The following POLR2B variants were observed in gnomAD, a reference collection of about 807,000 sequenced individuals.
The protein encoded by POLR2B is RNA polymerase II subunit B, also known as DNA-directed RNA polymerase II subunit RPB2.
POLR2B carries 57 observed loss-of-function variants against 144.6 expected under a neutral mutation model. The ratio of observed to expected loss-of-function variants is 0.39; its 90% CI spans 0.32 to 0.49. POLR2B has a LOEUF of 0.49. POLR2B is among the 20% of genes least tolerant of loss of function. The pLI, the probability that POLR2B is intolerant of heterozygous loss-of-function variation, is 0.83. For synonymous variants in POLR2B, 442 were observed against 469.8 expected (o/e 0.94, Z 0.77); for missense variants, 595 against 1,467.4 (o/e 0.41, Z 9.71).
chr4:57,030,659 G>T, intron 24 of POLR2B: 1 of 545,878 alleles, frequency 1.8e-6, no homozygotes, highest in Non-Finnish European at 3.2e-6. Context: ...TTTAAACAAT[G>T]AGTTTTTGAA....
intron 7 of POLR2B, among the ~76,000 whole-genome samples, chr4:57,003,768 A>G (rs1371886454): frequency 6.6e-6 from 1 of 151,850 alleles, no homozygotes; most frequent in Non-Finnish European, 1.5e-5. Flanking sequence ...ACTGGAACCC[A>G]GGAGGCAGAT....
At chr4:56,992,664 A>G (rs2109658243) in intron 3 of POLR2B, among the ~76,000 whole-genome samples, 1 of 145,218 alleles carries the variant, frequency 6.9e-6, no homozygotes, top group South Asian at 2.2e-4. Flanking sequence ...GGTTCACGCC[A>G]TTCTCCTGCC....
chr4:57,008,260 A>C (rs1383566333), intron 10 of POLR2B, among the ~76,000 whole-genome samples: 1 of 148,574 alleles, frequency 6.7e-6, no homozygotes, highest in Non-Finnish European at 1.5e-5. Flanking sequence ...GCTGGAGTAC[A>C]GTGGCAATCT....
intron 5 of POLR2B, 112 bp downstream of exon 5, chr4:56,994,978 C>A: frequency 5.5e-6 from 4 of 731,832 alleles, no homozygotes; most frequent in Non-Finnish European, 2.2e-6. Flanking sequence ...GATAACCTGG[C>A]ACTGACAGTT....
At chr4:57,024,603 C>T (rs1291495475) in intron 21 of POLR2B, among the ~76,000 whole-genome samples, 2 of 152,084 alleles carry the variant, frequency 1.3e-5, no homozygotes, top group Non-Finnish European at 2.9e-5. Context: ...TACCTGATCC[C>T]ATGGATCGAC....
chr4:57,018,401 A>G (rs1489627358), intron 16 of POLR2B, among the ~76,000 whole-genome samples: 1 of 152,186 alleles, frequency 6.6e-6, no homozygotes. Flanking sequence ...TACCTTTTGA[A>G]ATACACTTGA....
intron 10 of POLR2B, 40 bp from the exon 11 acceptor site, chr4:57,010,321 A>G (rs1723149793): frequency 2.5e-6 from 4 of 1,595,916 alleles, no homozygotes; most frequent in African/African-American, 2.7e-5. Context: ...TATGAATCAC[A>G]GAAATGTCCA....
chr4:56,989,702 C>T (rs556602059), intron 2 of POLR2B, among the ~76,000 whole-genome samples: 9 of 152,264 alleles, frequency 5.9e-5, no homozygotes, highest in East Asian at 1.9e-4. Flanking sequence ...GGAGTGGAGA[C>T]GTGGAGGTGT....
intron 1 of POLR2B, among the ~76,000 whole-genome samples, chr4:56,980,642 C>G (rs1389925262): frequency 6.6e-6 from 1 of 152,078 alleles, no homozygotes; most frequent in Non-Finnish European, 1.5e-5. Context: ...ATCGCTTGAG[C>G]CTGGGAAGTT....
intron 14 of POLR2B, among the ~76,000 whole-genome samples, chr4:57,016,376 C>G (rs1723365227): frequency 6.6e-6 from 1 of 151,770 alleles, no homozygotes; most frequent in South Asian, 2.1e-4. Context: ...TTGAGACTCC[C>G]ATCTCTCCAA....
At chr4:57,003,756 T>A (rs1722924146) in intron 7 of POLR2B, among the ~76,000 whole-genome samples, 1 of 151,738 alleles carries the variant, frequency 6.6e-6, no homozygotes, top group Non-Finnish European at 1.5e-5. Context: ...GGCACGAGAA[T>A]CACTGGAACC....
At chr4:57,029,065 C>CTGTTTTTTGTTTGTTGGTTTGTTTTT (rs1723822615) in intron 23 of POLR2B, among the ~76,000 whole-genome samples, 1 of 152,034 alleles carries the variant, frequency 6.6e-6, no homozygotes, top group African/African-American at 2.4e-5. Flanking sequence ...CTGTGCATTG[C>CTGTTTTTTGTTTGTTGGTTTGTTTTT]TGTTTTTTGT....
chr4:57,010,001 A>G (rs1723140082), intron 10 of POLR2B: 1 of 167,880 alleles, frequency 6.0e-6, no homozygotes, highest in Admixed American at 6.1e-5. Flanking sequence ...GTGAGTTGGT[A>G]GAATTTAACT....
chr4:56,982,842 A>G (rs1722197752), intron 1 of POLR2B, among the ~76,000 whole-genome samples: 1 of 152,126 alleles, frequency 6.6e-6, no homozygotes, highest in African/African-American at 2.4e-5. Flanking sequence ...TCCAATGGAC[A>G]CTGAGGTACA....
In POLR2B at chr4:56,998,839, C is replaced by G. The variant is rs147485207; in HGVS notation, c.736-778C>G. On this transcript the variant is annotated intron_variant, in intron 6 of 24. Transcript: ENST00000314595. ...GGGTGTCATATATGAAAAGTTGTTA[C>G]TGAACAAGTCCATGAGAGGAGTTCT... is the stretch of plus-strand genomic sequence containing the variant. Among the ~76,000 whole-genome samples, 76 of 152,238 alleles carry G rather than the reference C, an allele frequency of 5.0e-4. 1 individual carries two copies. The South Asian group carries it at 0.014, about 28-fold the overall frequency.
At position 57,023,760 on chromosome 4, in the gene POLR2B, C is replaced by G. The variant is rs1723624862; in HGVS notation, c.2856+9C>G. On this transcript the variant is annotated intron_variant, in intron 20 of 24. Coordinates refer to ENST00000314595, the MANE Select transcript of POLR2B (RefSeq NM_000938.3). The surrounding 1 kb of genome is among the most constrained non-coding windows in gnomAD (Gnocchi z 4.3). ...TTCAGTATAGACAAGAGGTAGGTAT[C>G]TTTGATCTCCCTCATGCCCAAACCA... 3 of 1,518,528 alleles carry G rather than the reference C, an allele frequency of 2.0e-6. No individual in the cohort carries two copies. The highest frequency in any genetic ancestry group is 2.7e-6 in the Non-Finnish European group (3 of 1,107,956). 94.1% of individuals were successfully genotyped at this position (1,518,528 alleles called of 1,614,324 possible).
In POLR2B at chr4:56,978,978, T is replaced by G. The variant is rs187913396; in HGVS notation, c.-8T>G. On this transcript the variant is annotated 5_prime_UTR_variant, in exon 1 of 25. Transcript: ENST00000314595. ...CAAGAGTTAGGAGCTCGAGAACCGT[T>G]TGGCAATATGTACGACGCGGATGAG... is the stretch of plus-strand genomic sequence containing the variant. 422 of 1,613,750 alleles carry G rather than the reference T, an allele frequency of 2.6e-4. 2 individuals carry two copies. The African/African-American group carries it at 5.2e-3, about 20-fold the overall frequency.
At chr4:57,026,385 A>G (rs1723721324) in intron 23 of POLR2B, among the ~76,000 whole-genome samples, 1 of 152,136 alleles carries the variant, frequency 6.6e-6, no homozygotes, top group African/African-American at 2.4e-5. Flanking sequence ...CCTCTTGATT[A>G]TTTTTAAGCA....
intron 1 of POLR2B, among the ~76,000 whole-genome samples, chr4:56,980,197 A>C (rs1722113237): frequency 6.6e-6 from 1 of 151,108 alleles, no homozygotes; most frequent in Admixed American, 6.6e-5. Flanking sequence ...AAGTGCTGGG[A>C]TTACAAGCAT....
Sources: allele counts gnomAD v4.1 joint callset (sites outside exome capture counted in the v4.1 genomes callset), GRCh38; gene constraint gnomAD v4.1.1; non-coding constraint Gnocchi (gnomAD v3.1); transcripts MANE v1.5; gene names NCBI Gene and HGNC (gene_info 2026-07-23, HGNC 2026-07-21).